Variants in TTC28 observed in about 807,000 individuals in gnomAD.
TTC28 encodes the protein tetratricopeptide repeat protein 28.
Under a neutral mutation model 198.0 loss-of-function variants are expected in TTC28, and 61 were observed. That is an observed-to-expected ratio of 0.31 (90% CI 0.25 to 0.38). The LOEUF is 0.38. TTC28 is among the 10% of genes least tolerant of loss of function. The pLI, the probability that TTC28 is intolerant of heterozygous loss-of-function variation, is 1.00. For missense variants in TTC28, 2,678 were observed against 3,164.0 expected (o/e 0.85, Z 3.69); for synonymous variants, 1,171 against 1,297.8 (o/e 0.90, Z 2.10).
chr22:28,163,126 G>C lies in TTC28; in HGVS notation c.1407C>G (p.Asp469Glu). Residue 469 changes from aspartate (D) to glutamate (E), a missense_variant, in exon 6 of 23, where the codon GAC becomes GAG. Asp to Glu is a conservative substitution (Grantham distance 45). This residue lies in a region of TTC28 where 775 missense variants were observed against 845.9 expected (regional missense o/e 0.92). Transcript: ENST00000397906. ...QQLGIAEDLK[D>E]RAAEGRASSN... The stretch of plus-strand genomic sequence containing the variant: ...AGGATGCTCGCCCCTCTGCAGCCCG[G>C]TCCTTGAGATCCTCAGCAATGCCCA... 6.4e-7 allele frequency: 1 copy of C among 1,551,596 alleles called. No homozygotes were observed. The highest frequency in any genetic ancestry group is 8.7e-7 in the Non-Finnish European group (1 of 1,146,952).
intron 5 of TTC28, among the ~76,000 whole-genome samples, chr22:28,204,049 C>G (rs946344304): frequency 6.6e-6 from 1 of 152,212 alleles, no homozygotes; most frequent in African/African-American, 2.4e-5. Context: ...TGATTCCTCT[C>G]AAGTGTAAAC....
intron 12 of TTC28, among the ~76,000 whole-genome samples, chr22:28,043,565 G>A (rs1187982063): frequency 6.6e-6 from 1 of 152,122 alleles, no homozygotes; most frequent in Non-Finnish European, 1.5e-5. Flanking sequence ...GGTGCCAAAT[G>A]AAGCAGCTGA....
At chr22:28,169,508 A>T (rs551683102) in intron 5 of TTC28, among the ~76,000 whole-genome samples, 67 of 152,290 alleles carry the variant, frequency 4.4e-4, no homozygotes, top group Admixed American at 2.4e-3. Context: ...AGGATGAGTC[A>T]TGTCCTTTGT....
Position 28,342,094 on chromosome 22 carries a change from G to T in TTC28, c.382-35451C>A, listed in dbSNP as rs193062795. Among the ~76,000 whole-genome samples the T allele has an allele frequency of 4.2e-3, 645 of 152,242 alleles. 2 individuals are homozygous for T. The highest frequency in any genetic ancestry group is 6.5e-3 in the Non-Finnish European group (439 of 68,016). ...CTGTAATAAAAAGTGATCTATCTTT[G>T]GGTTTCTAAGAGCTAAAATTGTTTT... On this transcript the variant is annotated intron_variant, in intron 2 of 22. Coordinates refer to ENST00000397906, the MANE Select transcript of TTC28 (RefSeq NM_001145418.2).
At chr22:28,381,008 G>A (rs1300666239) in intron 2 of TTC28, among the ~76,000 whole-genome samples, 8 of 151,780 alleles carry the variant, frequency 5.3e-5, no homozygotes, top group African/African-American at 1.7e-4. Context: ...AGGAAGGGGC[G>A]GTATTCATCT....
At chr22:28,070,670 G>A (rs1940931581) in intron 12 of TTC28, among the ~76,000 whole-genome samples, 1 of 151,996 alleles carries the variant, frequency 6.6e-6, no homozygotes, top group Admixed American at 6.6e-5. Flanking sequence ...GGTAAAAAGA[G>A]GCAAGTCTAA....
chr22:28,524,025 A>T (rs1366116292), intron 2 of TTC28, among the ~76,000 whole-genome samples: 2 of 152,092 alleles, frequency 1.3e-5, no homozygotes. Flanking sequence ...AGTAGTACTT[A>T]GTAGGAAACC....
At chr22:28,149,050 T>C (rs886782301) in intron 6 of TTC28, among the ~76,000 whole-genome samples, 16 of 152,222 alleles carry the variant, frequency 1.1e-4, no homozygotes, top group Admixed American at 1.0e-3. Context: ...GATTTCGTCA[T>C]TGTACGAACA....
chr22:28,595,387 C>G (rs1382068503), intron 2 of TTC28, among the ~76,000 whole-genome samples: 1 of 152,204 alleles, frequency 6.6e-6, no homozygotes, highest in African/African-American at 2.4e-5. Flanking sequence ...AATACATTAA[C>G]TCATCTCTAA....
intron 6 of TTC28, among the ~76,000 whole-genome samples, chr22:28,120,648 A>G (rs1015621256): frequency 1.3e-5 from 2 of 152,216 alleles, no homozygotes; most frequent in African/African-American, 4.8e-5. Context: ...AGTGGACAGC[A>G]TGGTCTGCCC....
At chr22:28,593,325 G>C (rs1229434763) in intron 2 of TTC28, among the ~76,000 whole-genome samples, 1 of 152,118 alleles carries the variant, frequency 6.6e-6, no homozygotes, top group East Asian at 1.9e-4. Context: ...CACTCCCCTA[G>C]CTCTTCCAAT....
chr22:28,195,978 A>G (rs1457748867), intron 5 of TTC28, among the ~76,000 whole-genome samples: 11 of 152,082 alleles, frequency 7.2e-5, no homozygotes, highest in Middle Eastern at 6.8e-3. Flanking sequence ...CGTATTGCCA[A>G]GTCAATCCTA....
intron 5 of TTC28, among the ~76,000 whole-genome samples, chr22:28,242,494 T>G (rs1421145390): frequency 2.6e-5 from 4 of 152,208 alleles, no homozygotes; most frequent in African/African-American, 9.7e-5. Flanking sequence ...CTTAGATTTC[T>G]TTTTAAGTGA....
intron 7 of TTC28, among the ~76,000 whole-genome samples, chr22:28,106,364 C>G (rs1942302506): frequency 6.6e-6 from 1 of 152,154 alleles, no homozygotes; most frequent in South Asian, 2.1e-4. Flanking sequence ...GTGTCTTTTT[C>G]TGCTGCTAAG....
At chr22:28,116,076 A>G (rs751574820) in intron 6 of TTC28, among the ~76,000 whole-genome samples, 1 of 152,118 alleles carries the variant, frequency 6.6e-6, no homozygotes, top group Non-Finnish European at 1.5e-5. Flanking sequence ...AATAGGTTCT[A>G]TTGCTCACCC....
intron 2 of TTC28, among the ~76,000 whole-genome samples, chr22:28,460,809 G>A (rs552097292): frequency 8.5e-5 from 13 of 152,050 alleles, no homozygotes; most frequent in Middle Eastern, 3.4e-3. Context: ...TCAGCCTCCT[G>A]AGTGGCTGGG....
chr22:28,440,044 C>G (rs1236072480), intron 2 of TTC28, among the ~76,000 whole-genome samples: 2 of 152,242 alleles, frequency 1.3e-5, no homozygotes, highest in African/African-American at 2.4e-5. Context: ...CCATGCTGGC[C>G]AGGCCGGTCT....
chr22:28,409,356 GCTGA>G (rs931632343), intron 2 of TTC28, among the ~76,000 whole-genome samples: 3 of 152,026 alleles, frequency 2.0e-5, no homozygotes, highest in Non-Finnish European at 2.9e-5. Flanking sequence ...ACAATCCAGA[GCTGA>G]CTATGTCTAT....
intron 5 of TTC28, among the ~76,000 whole-genome samples, chr22:28,279,360 C>T (rs371359487): frequency 5.9e-5 from 9 of 152,070 alleles, no homozygotes; most frequent in Middle Eastern, 3.4e-3. Flanking sequence ...TTTAAACATA[C>T]CATTTGATGA....
Sources: allele counts gnomAD v4.1 joint callset (sites outside exome capture counted in the v4.1 genomes callset), GRCh38; gene constraint gnomAD v4.1.1; regional missense constraint gnomAD v4.1.1; transcripts MANE v1.5; gene names NCBI Gene and HGNC (gene_info 2026-07-23, HGNC 2026-07-21).